Variants in KIAA1958 observed in about 807,000 individuals in gnomAD.
KIAA1958 encodes the protein uncharacterized protein KIAA1958.
In KIAA1958, 14 loss-of-function variants were observed where a neutral mutation model predicts 47.2. The ratio of observed to expected loss-of-function variants is 0.30; its 90% confidence interval spans 0.20 to 0.46. KIAA1958 has a LOEUF of 0.46. Ranked by LOEUF, KIAA1958 falls within the 20% of genes least tolerant of loss-of-function variation. The probability of loss-of-function intolerance (pLI) is 1.00; values close to 1 mark genes in which losing one functional copy is unlikely to be tolerated. For synonymous variants in KIAA1958, 354 were observed against 353.3 expected, an observed-to-expected ratio of 1.00 and a Z score of -0.02; for missense variants, 803 against 909.2, an observed-to-expected ratio of 0.88 and a Z score of 1.50.
At chr9:112,517,540 AT>A in intron 1 of KIAA1958, among the ~76,000 whole-genome samples, 1 of 152,324 alleles carries the variant, frequency 6.6e-6, no homozygotes, top group South Asian at 2.1e-4. Context: ...TTATGCAATG[AT>A]TTCTTAGAGA....
At chr9:112,595,423 G>A (rs1024067320) in intron 2 of KIAA1958, among the ~76,000 whole-genome samples, 3 of 152,172 alleles carry the variant, frequency 2.0e-5, no homozygotes, top group Non-Finnish European at 2.9e-5. Flanking sequence ...CACTTTGGGA[G>A]GCCAAGGTGG....
At position 112,545,825 on chromosome 9, in the gene KIAA1958, G is replaced by GTGTTTTTT. The variant is rs60211721; in HGVS notation, c.-24-28231_-24-28230insGTTTTTTT. ...TCTTTAGTGATACACAGGTTTCTTTGTTTTTTTTTTTTTTTTTTTTTAGTG... is the reference window on the plus strand; with the variant it reads ...TCTTTAGTGATACACAGGTTTCTTTGTGTTTTTTTTTTTTTTTTTTTTTTTTTTTAGTG... On this transcript the variant is annotated intron_variant, in intron 1 of 3. Coordinates refer to ENST00000337530, the MANE Select transcript of KIAA1958 (RefSeq NM_133465.4). 8.5e-4 allele frequency among the ~76,000 whole-genome samples: 79 copies of GTGTTTTTT among 92,976 alleles called. 3 individuals carry two copies. Among genetic ancestry groups the GTGTTTTTT allele is most frequent in the Non-Finnish European group, 1.0e-3 (49 of 47,884 alleles). 61.0% of individuals were successfully genotyped at this position (92,976 alleles called of 152,430 possible). A position where few individuals can be genotyped will look rare whatever the true frequency, so the allele number is the denominator to read the frequency against.
intron 1 of KIAA1958, among the ~76,000 whole-genome samples, chr9:112,559,532 C>G (rs1835292781): frequency 6.6e-6 from 1 of 152,166 alleles, no homozygotes; most frequent in African/African-American, 2.4e-5. Context: ...TATTGGTGAC[C>G]TTGGCCAGGG....
intron 1 of KIAA1958, among the ~76,000 whole-genome samples, chr9:112,551,137 G>A (rs562951582): frequency 2.0e-5 from 3 of 149,990 alleles, no homozygotes; most frequent in African/African-American, 2.4e-5. Context: ...TATAAAAGAT[G>A]TTAATTTTAA....
At chr9:112,516,011 A>AG (rs2132788276) in intron 1 of KIAA1958, among the ~76,000 whole-genome samples, 2 of 152,090 alleles carry the variant, frequency 1.3e-5, no homozygotes, top group South Asian at 4.2e-4. Context: ...ATTCAGACTG[A>AG]GGGAAAAAAA....
chr9:112,589,416 G>C (rs542669255), intron 2 of KIAA1958, among the ~76,000 whole-genome samples: 1 of 152,140 alleles, frequency 6.6e-6, no homozygotes, highest in Admixed American at 6.5e-5. Flanking sequence ...GACCAACATG[G>C]AGAAACCCCA....
intron 2 of KIAA1958, among the ~76,000 whole-genome samples, chr9:112,612,369 C>T (rs1003632401): frequency 5.3e-5 from 8 of 152,166 alleles, no homozygotes; most frequent in Non-Finnish European, 1.2e-4. Context: ...GATCACATCA[C>T]TGCATGCCAG....
At chr9:112,502,041 T>A (rs1453257693) in intron 1 of KIAA1958, among the ~76,000 whole-genome samples, 1 of 152,342 alleles carries the variant, frequency 6.6e-6, no homozygotes, top group Non-Finnish European at 1.5e-5. Context: ...AAGCTTTTTT[T>A]AAATACTATC....
rs151295039 is a variant in KIAA1958, at chr9:112,524,165, G to T, written c.-25+37047G>T. Among the ~76,000 whole-genome samples, 86 of 152,356 alleles carry T rather than the reference G, an allele frequency of 5.6e-4. 1 individual carries two copies. The highest frequency in any genetic ancestry group is 2.1e-3 in the African/African-American group (86 of 41,572). ...ATCAATACAGTTCTGAAAGAGATTT[G>T]TGTGTGCGTGAGATTTGAGAAGGGG... On this transcript the variant is annotated intron_variant, in intron 1 of 3. Coordinates refer to ENST00000337530, the MANE Select transcript of KIAA1958 (RefSeq NM_133465.4).
chr9:112,501,418 C>T (rs754222165), intron 1 of KIAA1958, among the ~76,000 whole-genome samples: 3 of 151,848 alleles, frequency 2.0e-5, no homozygotes, highest in Non-Finnish European at 4.4e-5. Context: ...ATTCTAGACT[C>T]GGCAACAAAG....
At chr9:112,584,985 G>A (rs75229381) in intron 2 of KIAA1958, among the ~76,000 whole-genome samples, 1,847 of 152,252 alleles carry the variant, frequency 0.012, 39 homozygotes, top group African/African-American at 0.042. Context: ...ATCCAAAGTC[G>A]AGACTGCTAG....
At chr9:112,496,398 A>AG (rs1157333671) in intron 1 of KIAA1958, among the ~76,000 whole-genome samples, 7 of 152,248 alleles carry the variant, frequency 4.6e-5, no homozygotes, top group African/African-American at 1.7e-4. Context: ...AAGCCAGAAT[A>AG]GGGGCTACCC....
intron 1 of KIAA1958, among the ~76,000 whole-genome samples, chr9:112,503,218 GAA>G (rs1834174616): frequency 6.6e-6 from 1 of 152,232 alleles, no homozygotes; most frequent in Admixed American, 6.5e-5. Context: ...ATCTCACAGA[GAA>G]AGTGACTTTT....
At position 112,574,239 on chromosome 9, in the gene KIAA1958, C is replaced by G. The variant is rs770167541; in HGVS notation, c.159C>G (p.Gly53=). 4.3e-6 allele frequency: 7 copies of G among 1,613,974 alleles called. No homozygotes were observed. In the African/African-American group the frequency reaches 9.3e-5, roughly 22 times the overall value. Residue 53 remains glycine, a synonymous_variant, in exon 2 of 4, where the codon GGC becomes GGG. Transcript: ENST00000337530. The part of the protein sequence containing the change: ...NLTAMWGCSA[G]HAYHWPLTAT... The stretch of plus-strand genomic sequence containing the variant: ...CAGCAATGTGGGGCTGTAGTGCTGG[C>G]CATGCTTATCACTGGCCACTAACAG...
At chr9:112,527,995 G>A (rs1255145409) in intron 1 of KIAA1958, among the ~76,000 whole-genome samples, 1 of 151,506 alleles carries the variant, frequency 6.6e-6, no homozygotes, top group Admixed American at 6.6e-5. Flanking sequence ...TCAATACTCA[G>A]TAGTTGCCAA....
At chr9:112,612,831 G>C (rs1263982657) in intron 2 of KIAA1958, among the ~76,000 whole-genome samples, 1 of 152,162 alleles carries the variant, frequency 6.6e-6, no homozygotes, top group Non-Finnish European at 1.5e-5. Context: ...TTGCAGTGTT[G>C]TTTGTAATAG....
intron 2 of KIAA1958, among the ~76,000 whole-genome samples, chr9:112,599,704 C>T (rs1026609203): frequency 6.6e-6 from 1 of 152,122 alleles, no homozygotes; most frequent in African/African-American, 2.4e-5. Flanking sequence ...TCTACAACTG[C>T]CTTAACTCAA....
intron 1 of KIAA1958, among the ~76,000 whole-genome samples, chr9:112,566,125 G>A (rs1835424294): frequency 6.6e-6 from 1 of 151,956 alleles, no homozygotes; most frequent in Non-Finnish European, 1.5e-5. Context: ...GGATGGTCTT[G>A]ATCTCCTGAC....
chr9:112,505,097 T>A (rs12335450), intron 1 of KIAA1958, among the ~76,000 whole-genome samples: 34,960 of 152,106 alleles, frequency 0.23, 4,166 homozygotes, highest in Middle Eastern at 0.37. Context: ...TCTACCTCCA[T>A]GTGGTCAAGT....
Sources: gnomAD v4.1 joint callset for allele counts (sites outside exome capture counted in the v4.1 genomes callset) on GRCh38, gnomAD v4.1.1 for gene constraint, MANE v1.5 for transcripts, NCBI Gene and HGNC (gene_info 2026-07-23, HGNC 2026-07-21) for gene names.